FSTL4: variants seen among roughly 807,000 people sequenced by gnomAD.
The protein encoded by FSTL4 is follistatin-related protein 4.
A neutral mutation model predicts 78.2 loss-of-function variants in FSTL4; 28 were observed. The ratio of observed to expected loss-of-function variants is 0.36; its 90% confidence interval spans 0.27 to 0.49. FSTL4 has a LOEUF of 0.49. Among genes scored for constraint, FSTL4 ranks in the 20% least tolerant of loss-of-function variants. The pLI is 0.98. For synonymous variants in FSTL4, 422 were observed against 440.5 expected (o/e 0.96, Z 0.53); for missense variants, 922 against 1,084.9 (o/e 0.85, Z 2.11).
chr5:133,354,092 T>C (rs1754890354), intron 4 of FSTL4, among the ~76,000 whole-genome samples: 1 of 152,082 alleles, frequency 6.6e-6, no homozygotes, highest in East Asian at 1.9e-4. Context: ...AGGTCACTTA[T>C]CCTCCCAGAA....
At chr5:133,290,449 C>T (rs1753234977) in intron 6 of FSTL4, among the ~76,000 whole-genome samples, 1 of 152,228 alleles carries the variant, frequency 6.6e-6, no homozygotes, top group South Asian at 2.1e-4. Context: ...AGCTTCCAGC[C>T]TGGGTCTTCC....
chr5:133,717,999 C>T, the FSTL4 span, among the ~76,000 whole-genome samples: 7 of 152,258 alleles, frequency 4.6e-5, no homozygotes, highest in Admixed American at 1.3e-4. Context: ...ACAAAGTGGA[C>T]ATATCATTGT....
chr5:133,322,239 A>C (rs138021230), intron 4 of FSTL4, among the ~76,000 whole-genome samples: 12,628 of 73,382 alleles, frequency 0.17, 811 homozygotes, highest in African/African-American at 0.31. Context: ...ACACACACAC[A>C]CCCCCACACC....
intron 4 of FSTL4, among the ~76,000 whole-genome samples, chr5:133,342,955 G>A (rs914858720): frequency 5.9e-5 from 9 of 152,130 alleles, no homozygotes; most frequent in African/African-American, 2.2e-4. Flanking sequence ...CATAAGGGGA[G>A]CTGCTTCTCA....
chr5:133,807,655 G>A, the FSTL4 span, among the ~76,000 whole-genome samples: 20,402 of 152,152 alleles, frequency 0.13, 1,674 homozygotes, highest in African/African-American at 0.23. Flanking sequence ...TTGAGGCAAC[G>A]CCCTGGAAAC....
intron 3 of FSTL4, among the ~76,000 whole-genome samples, chr5:133,471,556 C>G (rs1422997129): frequency 6.6e-6 from 1 of 152,294 alleles, no homozygotes; most frequent in South Asian, 2.1e-4. Flanking sequence ...AAGGTGCCAT[C>G]TATGAACCAG....
chr5:133,517,226 C>G (rs897559802), intron 3 of FSTL4, among the ~76,000 whole-genome samples: 22 of 151,008 alleles, frequency 1.5e-4, no homozygotes, highest in Non-Finnish European at 2.7e-4. Flanking sequence ...AGTTTGAGAC[C>G]AGCCTGGCCA....
chr5:133,764,925 T>C, the FSTL4 span, among the ~76,000 whole-genome samples: 83,236 of 152,118 alleles, frequency 0.55, 23,290 homozygotes, highest in Non-Finnish European at 0.61. Flanking sequence ...GGGTAGAACA[T>C]CCACATCAGA....
At chr5:133,441,096 G>C (rs933213582) in intron 3 of FSTL4, among the ~76,000 whole-genome samples, 1 of 152,168 alleles carries the variant, frequency 6.6e-6, no homozygotes, top group Non-Finnish European at 1.5e-5. Flanking sequence ...AGCACTGGTA[G>C]GGAGATGGGG....
the FSTL4 span, among the ~76,000 whole-genome samples, chr5:133,628,017 G>A: frequency 6.6e-6 from 1 of 151,902 alleles, no homozygotes; most frequent in African/African-American, 2.4e-5. Context: ...GAACAACCTG[G>A]GTAAATAAGG....
intron 10 of FSTL4, chr5:133,224,557 G>A: frequency 4.1e-6 from 1 of 241,060 alleles, no homozygotes; most frequent in Non-Finnish European, 8.0e-6. Flanking sequence ...CAGGAGAAGT[G>A]ACTTTCAACT....
chr5:133,791,049 C>T, the FSTL4 span, among the ~76,000 whole-genome samples: 3 of 152,228 alleles, frequency 2.0e-5, no homozygotes. Flanking sequence ...ACCACAGTCC[C>T]CTCACTCACT....
At position 133,352,373 on chromosome 5, in the gene FSTL4, C is replaced by CAT. The variant is rs1176840981; in HGVS notation, c.410-35723_410-35722dup. ...ATATATACACACACATATATATACA[C>CAT]ATATATATATATACACACACATATA... On this transcript the variant is annotated intron_variant, in intron 4 of 15. Transcript: ENST00000265342. Among the ~76,000 whole-genome samples, 174 of 144,636 alleles carry CAT rather than the reference C, an allele frequency of 1.2e-3. 3 individuals carry two copies. The East Asian group carries it at 0.015, about 13-fold the overall frequency. 94.9% of individuals were successfully genotyped at this position (144,636 alleles called of 152,430 possible). A position where few individuals can be genotyped will look rare whatever the true frequency, so the allele number is the denominator to read the frequency against.
chr5:133,767,558 C>T, the FSTL4 span, among the ~76,000 whole-genome samples: 1,226 of 152,218 alleles, frequency 8.1e-3, 25 homozygotes, highest in African/African-American at 0.029. Flanking sequence ...GTTTTTGAGC[C>T]TGGAGGTAGC....
At chr5:133,673,740 CT>C in the FSTL4 span, among the ~76,000 whole-genome samples, 2 of 152,196 alleles carry the variant, frequency 1.3e-5, no homozygotes, top group African/African-American at 4.8e-5. Context: ...AAAACATCTT[CT>C]CTGCCTCCAG....
At chr5:133,657,774 TG>T in the FSTL4 span, among the ~76,000 whole-genome samples, 2,936 of 110,598 alleles carry the variant, frequency 0.027, 78 homozygotes, top group African/African-American at 0.1. Flanking sequence ...TTGTTTTTTT[TG>T]TTTTTTTTTT....
At chr5:133,265,555 C>A (rs897711781) in intron 6 of FSTL4, among the ~76,000 whole-genome samples, 1 of 152,210 alleles carries the variant, frequency 6.6e-6, no homozygotes, top group South Asian at 2.1e-4. Flanking sequence ...CACAAACCCA[C>A]AAAAATAAAT....
At chr5:133,481,539 CAA>C (rs34556142) in intron 3 of FSTL4, among the ~76,000 whole-genome samples, 28 of 65,534 alleles carry the variant, frequency 4.3e-4, no homozygotes, top group Admixed American at 5.3e-4. Context: ...GAGACTGTCT[CAA>C]AAAAAAAAAA....
At chr5:133,471,789 A>G (rs1757830828) in intron 3 of FSTL4, among the ~76,000 whole-genome samples, 1 of 152,184 alleles carries the variant, frequency 6.6e-6, no homozygotes. Context: ...CTTTTTACCA[A>G]TGACACTGCT....
Sources: allele counts gnomAD v4.1 joint callset (sites outside exome capture counted in the v4.1 genomes callset), GRCh38; gene constraint gnomAD v4.1.1; transcripts MANE v1.5; gene names NCBI Gene and HGNC (gene_info 2026-07-23, HGNC 2026-07-21).